Variants in HSD17B3 observed in about 807,000 individuals in gnomAD.
The protein encoded by HSD17B3 is hydroxysteroid 17-beta dehydrogenase 3, also known as 17-beta-hydroxysteroid dehydrogenase type 3.
HSD17B3 carries 29 observed loss-of-function variants against 41.1 expected under a neutral mutation model. The ratio of observed to expected loss-of-function variants is 0.71; its 90% CI spans 0.53 to 0.96. HSD17B3 has a LOEUF of 0.96. HSD17B3 is among the 40% of genes least tolerant of loss of function. The pLI is 0.00. For synonymous variants in HSD17B3, 126 were observed against 145.6 expected, an observed-to-expected ratio of 0.87 and a Z score of 0.97; for missense variants, 323 against 374.6, an observed-to-expected ratio of 0.86 and a Z score of 1.14.
intron 2 of HSD17B3, among the ~76,000 whole-genome samples, chr9:96,266,994 A>T (rs1439736351): frequency 2.0e-5 from 3 of 152,032 alleles, no homozygotes; most frequent in Admixed American, 2.0e-4. Flanking sequence ...GATCATACTC[A>T]CAACTACAAG....
intron 10 of HSD17B3, among the ~76,000 whole-genome samples, chr9:96,238,558 A>G (rs1342352745): frequency 6.6e-6 from 1 of 152,180 alleles, no homozygotes; most frequent in Admixed American, 6.5e-5. Flanking sequence ...GCTACTCAGA[A>G]GGCTGAGGCA....
intron 8 of HSD17B3, 48 bp downstream of exon 8, chr9:96,245,297 G>T: frequency 7.0e-7 from 1 of 1,437,378 alleles, no homozygotes; most frequent in South Asian, 1.1e-5. Flanking sequence ...CCAACTGGGA[G>T]AAATAAGAGG....
intron 9 of HSD17B3, among the ~76,000 whole-genome samples, chr9:96,242,003 A>AAGAAAGAAAGAAAGAG (rs1554692386): frequency 3.7e-5 from 5 of 135,480 alleles, no homozygotes; most frequent in Non-Finnish European, 6.4e-5. Context: ...GAAAGAAAGA[A>AAGAAAGAAAGAAAGAG]AGAGAAAGAA....
Position 96,244,170 on chromosome 9 carries a change from G to A in HSD17B3, c.672+159C>T, listed in dbSNP as rs1338522969. The A allele has an allele frequency of 1.0e-5, 8 of 784,462 alleles. No individual in the cohort carries two copies. The Admixed American group carries it at 1.5e-4, about 15-fold the overall frequency. The allele number at this position is 784,462 out of a possible 1,614,324, so 48.6% of individuals were successfully genotyped here. A position where few individuals can be genotyped will look rare whatever the true frequency, so the allele number is the denominator to read the frequency against. On this transcript the variant is annotated intron_variant, in intron 9 of 10. Transcript: ENST00000375263. ...CTGAGGCGCCCCAAAAGCCCACGTG[G>A]CATCCCCAGCTCATCTTCCTGTTGA...
intron 1 of HSD17B3, 32 bp from the exon 2 acceptor site, chr9:96,298,494 G>T (rs777750321): frequency 6.3e-7 from 1 of 1,592,174 alleles, no homozygotes; most frequent in Non-Finnish European, 8.6e-7. Context: ...TTAAAAGACA[G>T]AATTCATCTT....
At chr9:96,253,007 A>G in intron 3 of HSD17B3, 97 bp from the exon 4 acceptor site, 1 of 804,870 alleles carries the variant, frequency 1.2e-6, no homozygotes, top group Admixed American at 1.7e-5. Context: ...CTGAGCAGAC[A>G]TTGAAGAGGA....
At chr9:96,237,645 C>T (rs1331453176) in intron 10 of HSD17B3, among the ~76,000 whole-genome samples, 2 of 152,182 alleles carry the variant, frequency 1.3e-5, no homozygotes, top group Non-Finnish European at 2.9e-5. Context: ...ACATGGTTGC[C>T]TCTCTCTTTA....
chr9:96,246,535 C>A lies in HSD17B3; in HGVS notation c.524+21G>T, dbSNP rs35962525. Reference sequence around the variant, plus strand: ...GGCAGGGAGGCCATGTTGCTCCACACTTTTTTGAAGAAGGCCTTACCTTGA... The same window carrying A: ...GGCAGGGAGGCCATGTTGCTCCACAATTTTTTGAAGAAGGCCTTACCTTGA... On this transcript the variant is annotated intron_variant, in intron 7 of 10. Transcript: ENST00000375263. The A allele has an allele frequency of 2.5e-5, 40 of 1,613,430 alleles. No individual in the cohort carries two copies. In the African/African-American group the frequency reaches 4.9e-4, roughly 20 times the overall value.
chr9:96,271,978 AT>A (rs1430660183), intron 2 of HSD17B3, among the ~76,000 whole-genome samples: 1 of 151,908 alleles, frequency 6.6e-6, no homozygotes, highest in Non-Finnish European at 1.5e-5. Context: ...GAATTTTCTA[AT>A]TTTATACCCC....
chr9:96,293,716 A>G (rs1406126404), intron 2 of HSD17B3, among the ~76,000 whole-genome samples: 1 of 151,962 alleles, frequency 6.6e-6, no homozygotes, highest in East Asian at 1.9e-4. Context: ...CTCGAGAACC[A>G]TGACTAATAC....
chr9:96,295,482 C>T (rs1042083479), intron 2 of HSD17B3, among the ~76,000 whole-genome samples: 1 of 151,666 alleles, frequency 6.6e-6, no homozygotes, highest in Non-Finnish European at 1.5e-5. Flanking sequence ...TTACAAGCAC[C>T]CGCCACCACA....
At chr9:96,258,227 T>C (rs891208776) in intron 2 of HSD17B3, among the ~76,000 whole-genome samples, 1 of 152,246 alleles carries the variant, frequency 6.6e-6, no homozygotes, top group African/African-American at 2.4e-5. Context: ...GAATGTTTTC[T>C]TTGTTTTATA....
chr9:96,269,713 G>T (rs1273611669), intron 2 of HSD17B3, among the ~76,000 whole-genome samples: 1 of 152,072 alleles, frequency 6.6e-6, no homozygotes, highest in Non-Finnish European at 1.5e-5. Context: ...AGACCAACCT[G>T]GCCAACATAG....
At chr9:96,292,641 C>A (rs867871802) in intron 2 of HSD17B3, among the ~76,000 whole-genome samples, 4 of 152,228 alleles carry the variant, frequency 2.6e-5, no homozygotes, top group Non-Finnish European at 5.9e-5. Flanking sequence ...AGCCACCACA[C>A]CGGGCCCAAA....
chr9:96,253,806 T>G (rs556118369), intron 3 of HSD17B3, among the ~76,000 whole-genome samples: 2 of 152,290 alleles, frequency 1.3e-5, no homozygotes, highest in East Asian at 3.9e-4. Context: ...AAAGCACATT[T>G]CAGCATTGTG....
chr9:96,240,451 G>C, intron 10 of HSD17B3, among the ~76,000 whole-genome samples: 1 of 152,192 alleles, frequency 6.6e-6, no homozygotes. Flanking sequence ...GTCAAGAGAA[G>C]ACAGCAGCCC....
chr9:96,261,778 C>T (rs1347423376), intron 2 of HSD17B3, among the ~76,000 whole-genome samples: 1 of 152,252 alleles, frequency 6.6e-6, no homozygotes, highest in Non-Finnish European at 1.5e-5. Flanking sequence ...ACTCCTCAGA[C>T]TTGGGCAGGT....
chr9:96,302,025 A>T lies in HSD17B3; in HGVS notation c.80T>A (p.Phe27Tyr). 1 of 1,614,160 alleles carries T rather than the reference A, an allele frequency of 6.2e-7. No homozygotes were observed. Among genetic ancestry groups the T allele is most frequent in the Non-Finnish European group, 8.5e-7 (1 of 1,180,020 alleles). ...GTAGTTCAGTAAAACACATCTGGAG[A>T]ATCTCACGCACTTCGCCAGGCAGGC... ...CLACLAKCVRFSRCVLLNYWK... is the reference protein window; with the variant it reads ...CLACLAKCVRYSRCVLLNYWK... The change falls in exon 1 of 11, where the codon TTC (phenylalanine) becomes TAC (tyrosine). Residue 27 changes from phenylalanine (F) to tyrosine (Y), a missense_variant. Physicochemically the swap from Phe to Tyr is conservative, Grantham distance 22. Transcript: ENST00000375263.
chr9:96,290,851 CAA>C (rs965219450), intron 2 of HSD17B3, among the ~76,000 whole-genome samples: 1 of 134,556 alleles, frequency 7.4e-6, no homozygotes, highest in Admixed American at 7.4e-5. Context: ...AACTCTGTCT[CAA>C]AAAAAAAAAG....
Sources: gnomAD v4.1 joint callset for allele counts (sites outside exome capture counted in the v4.1 genomes callset) on GRCh38, gnomAD v4.1.1 for gene constraint, MANE v1.5 for transcripts, NCBI Gene and HGNC (gene_info 2026-07-23, HGNC 2026-07-21) for gene names.